The following ZMAT4 variants were observed in gnomAD, a reference collection of about 807,000 sequenced individuals.
ZMAT4 encodes zinc finger matrin-type 4, also known as zinc finger matrin-type protein 4.
A neutral mutation model predicts 28.7 loss-of-function variants in ZMAT4; 17 were observed. The observed-to-expected ratio is 0.59, with a 90% CI of 0.41 to 0.89. The LOEUF (loss-of-function observed/expected upper bound fraction) is 0.89, where lower values mean the gene tolerates loss of function less well. Among genes scored for constraint, ZMAT4 ranks in the 40% least tolerant of loss-of-function variants. The pLI is 0.00. For missense variants in ZMAT4, 240 were observed against 283.8 expected, an observed-to-expected ratio of 0.85 and a Z score of 1.11; for synonymous variants, 117 against 109.2, an observed-to-expected ratio of 1.07 and a Z score of -0.44.
intron 6 of ZMAT4, among the ~76,000 whole-genome samples, chr8:40,577,318 T>C (rs1467918008): frequency 1.3e-5 from 2 of 152,222 alleles, no homozygotes; most frequent in Non-Finnish European, 2.9e-5. Flanking sequence ...ATGTCATCTA[T>C]ATAAAGACAT....
chr8:40,611,317 T>C (rs1265074942), intron 5 of ZMAT4, among the ~76,000 whole-genome samples: 2 of 152,184 alleles, frequency 1.3e-5, no homozygotes, highest in Non-Finnish European at 2.9e-5. Flanking sequence ...CTGGAACTTT[T>C]ACATATTATC....
At chr8:40,704,423 A>T (rs1221415664) in intron 3 of ZMAT4, among the ~76,000 whole-genome samples, 2 of 152,158 alleles carry the variant, frequency 1.3e-5, no homozygotes, top group East Asian at 3.9e-4. Flanking sequence ...ATTAAGGTCC[A>T]TTTTCTCCAA....
At chr8:40,758,131 G>A (rs1288974868) in intron 3 of ZMAT4, among the ~76,000 whole-genome samples, 1 of 152,120 alleles carries the variant, frequency 6.6e-6, no homozygotes, top group Admixed American at 6.6e-5. Context: ...CCTATTGTTG[G>A]ATCTCACCTT....
intron 1 of ZMAT4, among the ~76,000 whole-genome samples, chr8:40,878,799 C>T (rs891976943): frequency 3.3e-5 from 5 of 152,198 alleles, no homozygotes; most frequent in African/African-American, 1.2e-4. Flanking sequence ...GGGAGATGCC[C>T]CCTCCTCTGG....
At chr8:40,722,642 A>C (rs1211905024) in intron 3 of ZMAT4, among the ~76,000 whole-genome samples, 1 of 152,152 alleles carries the variant, frequency 6.6e-6, no homozygotes, top group African/African-American at 2.4e-5. Context: ...TTGATGCATA[A>C]AAATAAAACT....
intron 4 of ZMAT4, among the ~76,000 whole-genome samples, chr8:40,690,089 C>A (rs1809596412): frequency 6.6e-6 from 1 of 152,120 alleles, no homozygotes; most frequent in Admixed American, 6.5e-5. Flanking sequence ...TTGCCCCAAG[C>A]TTGCTATGAC....
chr8:40,609,523 C>T (rs1247256228), intron 5 of ZMAT4, among the ~76,000 whole-genome samples: 3 of 152,194 alleles, frequency 2.0e-5, no homozygotes, highest in African/African-American at 4.8e-5. Flanking sequence ...CCTGAAGGCT[C>T]TCCATTTTCT....
intron 4 of ZMAT4, among the ~76,000 whole-genome samples, chr8:40,687,751 G>T (rs1487398819): frequency 6.6e-6 from 1 of 152,110 alleles, no homozygotes; most frequent in Non-Finnish European, 1.5e-5. Flanking sequence ...CAGCATTCTT[G>T]ATATATTAGT....
chr8:40,679,543 G>A (rs920662446), intron 4 of ZMAT4, among the ~76,000 whole-genome samples: 6 of 152,098 alleles, frequency 3.9e-5, no homozygotes, highest in East Asian at 1.9e-4. Context: ...AGCAAAGGAC[G>A]GGAAGGCCCC....
At chr8:40,548,223 C>T (rs971365991) in intron 6 of ZMAT4, among the ~76,000 whole-genome samples, 1 of 151,848 alleles carries the variant, frequency 6.6e-6, no homozygotes, top group Non-Finnish European at 1.5e-5. Flanking sequence ...GATGGAAAAC[C>T]ATTTGTTTAT....
chr8:40,635,711 C>T (rs939943933), intron 5 of ZMAT4, among the ~76,000 whole-genome samples: 1 of 152,142 alleles, frequency 6.6e-6, no homozygotes, highest in African/African-American at 2.4e-5. Flanking sequence ...AATTCTGCAC[C>T]TCTGAAAAAT....
chr8:40,564,904 G>A (rs187798501), intron 6 of ZMAT4, among the ~76,000 whole-genome samples: 153 of 152,202 alleles, frequency 1.0e-3, no homozygotes, highest in Non-Finnish European at 1.6e-3. Context: ...TTACCTGCAC[G>A]GATAGTAAAA....
chr8:40,759,010 T>C (rs376747719), intron 3 of ZMAT4, among the ~76,000 whole-genome samples: 3 of 152,100 alleles, frequency 2.0e-5, no homozygotes, highest in African/African-American at 7.2e-5. Context: ...CTAGGCCAGG[T>C]GCAGTGGATC....
intron 2 of ZMAT4, among the ~76,000 whole-genome samples, chr8:40,776,939 T>C (rs76397779): frequency 7.1e-6 from 1 of 141,640 alleles, no homozygotes; most frequent in South Asian, 2.3e-4. Context: ...TTTTTTTTTT[T>C]GTAAAGTCAT....
intron 5 of ZMAT4, among the ~76,000 whole-genome samples, chr8:40,630,979 A>ATT (rs34600223): frequency 1.1e-4 from 16 of 151,040 alleles, no homozygotes; most frequent in South Asian, 1.0e-3. Flanking sequence ...AGAAATGCAC[A>ATT]TTTTTTTTTC....
intron 5 of ZMAT4, among the ~76,000 whole-genome samples, chr8:40,653,868 T>C (rs1455854125): frequency 6.6e-6 from 1 of 152,182 alleles, no homozygotes; most frequent in Non-Finnish European, 1.5e-5. Context: ...CACAAAGTCT[T>C]TCTAAAAACA....
intron 3 of ZMAT4, among the ~76,000 whole-genome samples, chr8:40,735,792 G>A (rs551833370): frequency 3.9e-5 from 6 of 152,166 alleles, no homozygotes; most frequent in East Asian, 3.9e-4. Context: ...ACGTTTAACC[G>A]CAGGACCCAT....
chr8:40,724,287 A>G (rs1229341568), intron 3 of ZMAT4, among the ~76,000 whole-genome samples: 1 of 152,184 alleles, frequency 6.6e-6, no homozygotes. Context: ...CCATTGGAAA[A>G]GCCAGATGTG....
At chr8:40,736,278 C>T (rs1811756707) in intron 3 of ZMAT4, among the ~76,000 whole-genome samples, 1 of 152,158 alleles carries the variant, frequency 6.6e-6, no homozygotes, top group Middle Eastern at 3.2e-3. Context: ...GCAAACAGCT[C>T]ACCAGGAAAA....
Sources: gnomAD v4.1 joint callset for allele counts (sites outside exome capture counted in the v4.1 genomes callset) on GRCh38, gnomAD v4.1.1 for gene constraint, MANE v1.5 for transcripts, NCBI Gene and HGNC (gene_info 2026-07-23, HGNC 2026-07-21) for gene names.